The following STX7 variants were observed in gnomAD, a reference collection of about 807,000 sequenced individuals.
STX7 encodes the protein syntaxin 7, also known as syntaxin-7.
A neutral mutation model predicts 39.6 loss-of-function variants in STX7; 34 were observed. The ratio of observed to expected loss-of-function variants is 0.86; its 90% CI spans 0.65 to 1.14. The LOEUF (loss-of-function observed/expected upper bound fraction) is 1.14, where lower values mean the gene tolerates loss of function less well. Ranked by LOEUF, STX7 falls within the 50% of genes most tolerant of loss-of-function variation. The pLI is 0.00. For missense variants in STX7, 284 were observed against 310.4 expected (o/e 0.92, Z 0.64); for synonymous variants, 119 against 99.1 (o/e 1.20, Z -1.19).
rs965183134 is a variant in STX7, at chr6:132,505,958, C to T, written c.-58-2370G>A. ...AGTCACATATCTACAGTCAATTGAT[C>T]TTTTTGACAAAGTTGACAAAAACAT... On this transcript the variant is annotated intron_variant, in intron 1 of 9. Coordinates refer to ENST00000367941, the MANE Select transcript of STX7 (RefSeq NM_003569.3). Among the ~76,000 whole-genome samples, 8 of 151,928 alleles carry T rather than the reference C, an allele frequency of 5.3e-5. No homozygotes were observed. The East Asian group carries it at 1.2e-3, about 22-fold the overall frequency.
In STX7 at chr6:132,482,842, T is replaced by C. The variant is rs370476523; in HGVS notation, c.86-7180A>G. Among the ~76,000 whole-genome samples the C allele has an allele frequency of 6.6e-5, 10 of 152,294 alleles. No homozygotes were observed. In the East Asian group the frequency reaches 1.7e-3, roughly 26 times the overall value. On this transcript the variant is annotated intron_variant, in intron 2 of 9. Transcript: ENST00000367941. Reference sequence around the variant, plus strand: ...TATGAACTGCCAAGATTCCACAGACTTGATTTTATATACTACTAGCATTAG... The same window carrying C: ...TATGAACTGCCAAGATTCCACAGACCTGATTTTATATACTACTAGCATTAG...
At chr6:132,464,138 C>A in intron 8 of STX7, 63 bp from the exon 9 acceptor site, 1 of 1,415,730 alleles carries the variant, frequency 7.1e-7, no homozygotes, top group Non-Finnish European at 1.0e-6. Flanking sequence ...AGTAACAAAT[C>A]ACTAAATTTC....
intron 2 of STX7, among the ~76,000 whole-genome samples, chr6:132,491,121 A>C (rs1775273391): frequency 1.1e-5 from 1 of 94,998 alleles, no homozygotes; most frequent in Non-Finnish European, 2.3e-5. Flanking sequence ...ATTGAAAAAC[A>C]AAAAAAAATG....
rs1775484727 is a variant in STX7 at position 132,498,920 on chromosome 6, T to G, written c.85+4526A>C. 2.0e-5 allele frequency among the ~76,000 whole-genome samples: 3 copies of G among 152,340 alleles called. No homozygotes were observed. In the Middle Eastern group the frequency reaches 0.01, roughly 518 times the overall value. On this transcript the variant is annotated intron_variant, in intron 2 of 9. Transcript: ENST00000367941. ...GTGATGACTGGTTTCACTAAATTCA[T>G]GGCCCCAAATCTTAAATGTATACTC...
chr6:132,460,313 T>C lies in STX7; in HGVS notation c.*445A>G, dbSNP rs757630209. 6.5e-6 allele frequency: 1 copy of C among 152,724 alleles called. No individual in the cohort carries two copies. Among genetic ancestry groups the C allele is most frequent in the Non-Finnish European group, 1.5e-5 (1 of 68,458 alleles). The allele number at this position is 152,724 out of a possible 1,614,324, so 9.5% of individuals were successfully genotyped here. On this transcript the variant is annotated 3_prime_UTR_variant, in exon 10 of 10. Coordinates refer to ENST00000367941, the MANE Select transcript of STX7 (RefSeq NM_003569.3). ...ATGTATAGACCTTAATTATTTTACA[T>C]TATTGAGAATATTTTCCCTGCTGAA... is the stretch of plus-strand genomic sequence containing the variant.
At position 132,461,872 on chromosome 6, in the gene STX7, GA is replaced by G. The variant is rs981135250; in HGVS notation, c.694-1023del. 3.3e-6 allele frequency: 5 copies of G among 1,537,402 alleles called. No individual in the cohort carries two copies. In the African/African-American group the frequency reaches 6.9e-5, roughly 21 times the overall value. On this transcript the variant is annotated intron_variant, in intron 9 of 9. Transcript: ENST00000367941. ...CAGGAATCCTTTTTCTTACAAAGTA[GA>G]AAAATTTGTAAATTTACTTTGTGTC... is the stretch of plus-strand genomic sequence containing the variant.
chr6:132,504,141 G>C (rs1283974711), intron 1 of STX7, among the ~76,000 whole-genome samples: 1 of 152,124 alleles, frequency 6.6e-6, no homozygotes, highest in Non-Finnish European at 1.5e-5. Flanking sequence ...TGGTAAAAAT[G>C]GCAATTACTT....
At chr6:132,512,118 GA>G (rs59790568) in intron 1 of STX7, among the ~76,000 whole-genome samples, 2,909 of 152,244 alleles carry the variant, frequency 0.019, 81 homozygotes, top group African/African-American at 0.065. Context: ...AGAACCTGCA[GA>G]AGAAATGTCC....
chr6:132,479,006 G>T (rs1774947316), intron 2 of STX7, among the ~76,000 whole-genome samples: 1 of 152,188 alleles, frequency 6.6e-6, no homozygotes, highest in Non-Finnish European at 1.5e-5. Context: ...AAAGCAGGAG[G>T]CAACATGTAC....
intron 8 of STX7, among the ~76,000 whole-genome samples, chr6:132,465,489 T>G (rs574365421): frequency 6.6e-6 from 1 of 152,328 alleles, no homozygotes; most frequent in South Asian, 2.1e-4. Flanking sequence ...TTTAGTCATA[T>G]GACAAAACCC....
intron 9 of STX7, among the ~76,000 whole-genome samples, chr6:132,463,551 C>T (rs1774474951): frequency 6.6e-6 from 1 of 152,152 alleles, no homozygotes; most frequent in African/African-American, 2.4e-5. Flanking sequence ...ATGATTTCCA[C>T]AAGACCTGAA....
intron 1 of STX7, among the ~76,000 whole-genome samples, chr6:132,504,283 C>T (rs1466431571): frequency 6.6e-6 from 1 of 152,132 alleles, no homozygotes; most frequent in African/African-American, 2.4e-5. Flanking sequence ...AAGCAAATGT[C>T]ATATAAAATG....
At chr6:132,500,305 G>A (rs1018057031) in intron 2 of STX7, among the ~76,000 whole-genome samples, 2 of 151,988 alleles carry the variant, frequency 1.3e-5, no homozygotes, top group South Asian at 4.1e-4. Flanking sequence ...CAGCTGACCC[G>A]CCAGACCCCT....
chr6:132,511,858 T>C (rs1775853240), intron 1 of STX7, among the ~76,000 whole-genome samples: 1 of 152,206 alleles, frequency 6.6e-6, no homozygotes, highest in African/African-American at 2.4e-5. Context: ...ACTTAAAGTT[T>C]GGGGTCATAA....
Position 132,449,282 on chromosome 6 carries a change from C to T in STX7, c.*11476G>A, listed in dbSNP as rs950940476. On this transcript the variant is annotated 3_prime_UTR_variant, in exon 10 of 10. Coordinates refer to ENST00000367941, the MANE Select transcript of STX7 (RefSeq NM_003569.3). ...GGACTACTGGTTCATGTCACCACAT[C>T]TGGCTAATTCTTAATTTTTTTTGTA... 11 of 152,108 alleles carry T rather than the reference C, an allele frequency of 7.2e-5. No individual in the cohort carries two copies. The highest frequency in any genetic ancestry group is 2.7e-4 in the African/African-American group (11 of 41,428). The allele number at this position is 152,108 out of a possible 1,614,324, so 9.4% of individuals were successfully genotyped here.
chr6:132,475,784 T>TTTGTTTTCCAG, intron 2 of STX7, 122 bp from the exon 3 acceptor site: 2 of 514,778 alleles, frequency 3.9e-6, no homozygotes, highest in Non-Finnish European at 6.6e-6. Flanking sequence ...AAGATGAAAA[T>TTTGTTTTCCAG]AGAAAATATT....
At chr6:132,500,587 G>C (rs1039841783) in intron 2 of STX7, among the ~76,000 whole-genome samples, 3 of 152,236 alleles carry the variant, frequency 2.0e-5, no homozygotes, top group African/African-American at 7.2e-5. Context: ...AGAAAGTTAA[G>C]TTGCTCATTA....
intron 1 of STX7, among the ~76,000 whole-genome samples, chr6:132,509,659 A>T (rs962235528): frequency 3.3e-5 from 5 of 152,076 alleles, no homozygotes; most frequent in Non-Finnish European, 5.9e-5. Flanking sequence ...GGAATAGCTT[A>T]CTCCTTTTCT....
At chr6:132,470,878 T>C (rs1582652306) in intron 5 of STX7, among the ~76,000 whole-genome samples, 1 of 152,158 alleles carries the variant, frequency 6.6e-6, no homozygotes, top group South Asian at 2.1e-4. Context: ...TCACTAAATA[T>C]TCTCAAGGAT....
Sources: allele counts gnomAD v4.1 joint callset (sites outside exome capture counted in the v4.1 genomes callset), GRCh38; gene constraint gnomAD v4.1.1; transcripts MANE v1.5; gene names NCBI Gene and HGNC (gene_info 2026-07-23, HGNC 2026-07-21).